KDSR: variants seen among roughly 807,000 people sequenced by gnomAD.
KDSR encodes the protein 3-dehydrosphinganine reductase.
In KDSR, 23 loss-of-function variants were observed where a neutral mutation model predicts 41.3. That is an observed-to-expected ratio of 0.56 (90% CI 0.40 to 0.79). The LOEUF (loss-of-function observed/expected upper bound fraction) is 0.79. Ranked by LOEUF, KDSR falls within the 30% of genes least tolerant of loss-of-function variation. The pLI is 0.00. For missense variants in KDSR, 351 were observed against 416.8 expected (o/e 0.84, Z 1.37); for synonymous variants, 138 against 151.7 (o/e 0.91, Z 0.66).
chr18:63,335,511 G>A lies in KDSR; in HGVS notation c.778-153C>T, dbSNP rs1914128034. On this transcript the variant is annotated intron_variant, in intron 8 of 9. Transcript: ENST00000645214. Reference sequence around the variant, plus strand: ...ATCAGCACTCAGAAATGGACGCACGGCCTTGGCAGATGGCAGTTCTCAACA... The same window carrying A: ...ATCAGCACTCAGAAATGGACGCACGACCTTGGCAGATGGCAGTTCTCAACA... 4 of 600,596 alleles carry A rather than the reference G, an allele frequency of 6.7e-6. No homozygotes were observed. In the African/African-American group the frequency reaches 7.4e-5, roughly 11 times the overall value. The allele number at this position is 600,596 out of a possible 1,614,324, so 37.2% of individuals were successfully genotyped here. A position where few individuals can be genotyped will look rare whatever the true frequency, so the allele number is the denominator to read the frequency against.
chr18:63,341,557 G>C (rs1267526880), intron 7 of KDSR, among the ~76,000 whole-genome samples: 15 of 151,552 alleles, frequency 9.9e-5, no homozygotes, highest in Admixed American at 9.8e-4. Flanking sequence ...ATGCTCCAGA[G>C]AGAATGAACA....
chr18:63,349,188 C>T (rs1345838890), intron 6 of KDSR, among the ~76,000 whole-genome samples: 4 of 152,074 alleles, frequency 2.6e-5, no homozygotes, highest in African/African-American at 9.7e-5. Flanking sequence ...TTGAGACCAG[C>T]TTTGGCAACA....
At chr18:63,360,230 A>G (rs987004478) in intron 2 of KDSR, among the ~76,000 whole-genome samples, 1 of 152,222 alleles carries the variant, frequency 6.6e-6, no homozygotes, top group African/African-American at 2.4e-5. Context: ...TTCTTCTACT[A>G]TAAACCCAAA....
intron 1 of KDSR, among the ~76,000 whole-genome samples, chr18:63,364,588 C>A (rs564411309): frequency 6.6e-6 from 1 of 152,020 alleles, no homozygotes; most frequent in Non-Finnish European, 1.5e-5. Context: ...GGATTACAGG[C>A]GTGCGCCAGC....
intron 1 of KDSR, among the ~76,000 whole-genome samples, chr18:63,363,838 T>C (rs929996871): frequency 6.6e-5 from 10 of 152,358 alleles, no homozygotes; most frequent in African/African-American, 2.2e-4. Flanking sequence ...CTTTCAATTA[T>C]GGAATTATTC....
intron 5 of KDSR, among the ~76,000 whole-genome samples, chr18:63,354,087 G>A (rs1237335825): frequency 6.6e-6 from 1 of 151,496 alleles, no homozygotes; most frequent in Non-Finnish European, 1.5e-5. Context: ...CTTCCAGCCT[G>A]GCAGGAGACT....
Position 63,331,663 on chromosome 18 carries a change from G to T in KDSR, c.*119C>A. On this transcript the variant is annotated 3_prime_UTR_variant, in exon 10 of 10. Transcript: ENST00000645214. ...GCAGCCACATTCCTGAAGAGCACTG[G>T]TCCAATCTGACGTATTCGAAAACAA... The T allele has an allele frequency of 2.2e-6, 2 of 916,534 alleles. No homozygotes were observed. The highest frequency in any genetic ancestry group is 3.3e-6 in the Non-Finnish European group (2 of 603,016). The allele number at this position is 916,534 out of a possible 1,614,324, so 56.8% of individuals were successfully genotyped here.
Position 63,350,876 on chromosome 18 carries a change from T to C in KDSR, c.609+12A>G, listed in dbSNP as rs1391378087. The C allele has an allele frequency of 1.9e-6, 3 of 1,592,708 alleles. No homozygotes were observed. The highest frequency in any genetic ancestry group is 2.6e-6 in the Non-Finnish European group (3 of 1,164,120). Reference sequence around the variant, plus strand: ...GGAGAGGAATAAATACAAAAATGAATACAACTTTTACCTCCATCTGCAAAG... The same window carrying C: ...GGAGAGGAATAAATACAAAAATGAACACAACTTTTACCTCCATCTGCAAAG... On this transcript the variant is annotated intron_variant, in intron 6 of 9. Coordinates refer to ENST00000645214, the MANE Select transcript of KDSR (RefSeq NM_002035.4).
At position 63,355,570 on chromosome 18, in the gene KDSR, A is replaced by T. The variant is rs756050012; in HGVS notation, c.256-7T>A. On this transcript the variant is annotated splice_polypyrimidine_tract_variant and splice_region_variant and intron_variant, in intron 3 of 9. Coordinates refer to ENST00000645214, the MANE Select transcript of KDSR (RefSeq NM_002035.4). ...CTGATATGCAAAGCACCACCTGTTA[A>T]AAAAGAAAAAAAGTGATCAAAGTTT... 3 of 1,561,746 alleles carry T rather than the reference A, an allele frequency of 1.9e-6. No homozygotes were observed. The South Asian group carries it at 3.6e-5, about 19-fold the overall frequency.
Position 63,331,921 on chromosome 18 carries a change from C to T in KDSR, c.880-20G>A. ...GACCACCTGCAAGATAAAGAGAGAG[C>T]TTTTAGTGCATCCAACGGTACAAGA... On this transcript the variant is annotated intron_variant, in intron 9 of 9. Coordinates refer to ENST00000645214, the MANE Select transcript of KDSR (RefSeq NM_002035.4). 1 of 1,611,784 alleles carries T rather than the reference C, an allele frequency of 6.2e-7. No individual in the cohort carries two copies. Among genetic ancestry groups the T allele is most frequent in the Non-Finnish European group, 8.5e-7 (1 of 1,179,002 alleles).
In KDSR at chr18:63,363,481, T is replaced by C. The variant is rs543358680; in HGVS notation, c.109-613A>G. On this transcript the variant is annotated intron_variant, in intron 1 of 9. Coordinates refer to ENST00000645214, the MANE Select transcript of KDSR (RefSeq NM_002035.4). ...GTGAGAATATGCGGTGTTTGGTTTT[T>C]TGTTCTTGCGATAGTTTACTGAGAA... is the stretch of plus-strand genomic sequence containing the variant. Among the ~76,000 whole-genome samples the C allele has an allele frequency of 2.1e-5, 3 of 145,264 alleles. No homozygotes were observed. The East Asian group carries it at 6.0e-4, about 29-fold the overall frequency.
Position 63,330,660 on chromosome 18 carries a change from A to G in KDSR, c.*1122T>C, listed in dbSNP as rs1913951693. ...TCAGCCTTGTCTTTTTTTCTTAATG[A>G]GCAAACTTTATACCATCATCAGCCT... On this transcript the variant is annotated 3_prime_UTR_variant, in exon 10 of 10. Transcript: ENST00000645214. 1 of 231,628 alleles carries G rather than the reference A, an allele frequency of 4.3e-6. No individual in the cohort carries two copies. The highest frequency in any genetic ancestry group is 8.5e-6 in the Non-Finnish European group (1 of 117,146). The allele number at this position is 231,628 out of a possible 1,614,324, so 14.3% of individuals were successfully genotyped here.
chr18:63,351,402 G>C (rs573349695), intron 5 of KDSR, among the ~76,000 whole-genome samples: 1 of 152,328 alleles, frequency 6.6e-6, no homozygotes, highest in African/African-American at 2.4e-5. Context: ...ATGTTTGTGG[G>C]TAGTACTTTC....
At chr18:63,361,224 AAAAAAAAAAAAAAG>A (rs1914976710) in intron 2 of KDSR, among the ~76,000 whole-genome samples, 1 of 138,012 alleles carries the variant, frequency 7.2e-6, no homozygotes, top group Non-Finnish European at 1.5e-5. Flanking sequence ...AAAAAAAAAA[AAAAAAAAAAAAAAG>A]AATGAATTAC....
intron 1 of KDSR, among the ~76,000 whole-genome samples, chr18:63,364,154 A>C (rs1367777314): frequency 6.6e-6 from 1 of 152,120 alleles, no homozygotes; most frequent in Non-Finnish European, 1.5e-5. Context: ...TCGCCCATCA[A>C]ATCTCAGCTC....
At position 63,335,113 on chromosome 18, in the gene KDSR, A is replaced by G. The variant is rs144314185; in HGVS notation, c.879+144T>C. 1,979 of 585,756 alleles carry G rather than the reference A, an allele frequency of 3.4e-3. 8 individuals carry two copies. Among genetic ancestry groups the G allele is most frequent in the Admixed American group, 8.0e-3 (260 of 32,404 alleles). The allele number at this position is 585,756 out of a possible 1,614,324, so 36.3% of individuals were successfully genotyped here. ...ATTTACTCATTCCTGGTGGAGGAAGAGGAAAAGTTGATAGCTCCATAAAAA... is the reference window on the plus strand; with the variant it reads ...ATTTACTCATTCCTGGTGGAGGAAGGGGAAAAGTTGATAGCTCCATAAAAA... On this transcript the variant is annotated intron_variant, in intron 9 of 9. Coordinates refer to ENST00000645214, the MANE Select transcript of KDSR (RefSeq NM_002035.4).
chr18:63,333,433 G>A (rs1914070678), intron 9 of KDSR, among the ~76,000 whole-genome samples: 1 of 152,212 alleles, frequency 6.6e-6, no homozygotes, highest in African/African-American at 2.4e-5. Flanking sequence ...AGGAGTCATT[G>A]AATGTTTTCA....
intron 3 of KDSR, among the ~76,000 whole-genome samples, chr18:63,357,892 A>AG (rs1310051049): frequency 1.3e-5 from 2 of 152,060 alleles, no homozygotes; most frequent in Non-Finnish European, 2.9e-5. Context: ...AATAATATTG[A>AG]GTGGTCTGGG....
chr18:63,344,236 G>A, intron 7 of KDSR, 174 bp downstream of exon 7: 1 of 531,750 alleles, frequency 1.9e-6, no homozygotes, highest in Non-Finnish European at 3.4e-6. Flanking sequence ...GGGAAAAGAG[G>A]AAGGAAAGAA....
Sources: allele counts gnomAD v4.1 joint callset (sites outside exome capture counted in the v4.1 genomes callset), GRCh38; gene constraint gnomAD v4.1.1; transcripts MANE v1.5; gene names NCBI Gene and HGNC (gene_info 2026-07-23, HGNC 2026-07-21).